SLC22A9: variants seen among roughly 807,000 people sequenced by gnomAD.
The protein encoded by SLC22A9 is organic anion transporter 7.
SLC22A9 carries 64 observed loss-of-function variants against 50.1 expected under a neutral mutation model. The observed-to-expected ratio is 1.28, with a 90% confidence interval of 1.04 to 1.57. SLC22A9 has a LOEUF of 1.57. Among genes scored for constraint, SLC22A9 ranks in the 40% most tolerant of loss-of-function variants. The probability of loss-of-function intolerance (pLI) is 0.00; values close to 1 mark genes in which losing one functional copy is unlikely to be tolerated. For missense variants in SLC22A9, 757 were observed against 676.1 expected, an observed-to-expected ratio of 1.12 and a Z score of -1.33; for synonymous variants, 261 against 242.5, an observed-to-expected ratio of 1.08 and a Z score of -0.71.
chr11:63,408,571 T>A, intron 8 of SLC22A9, 105 bp from the exon 9 acceptor site: 1 of 1,009,354 alleles, frequency 9.9e-7, no homozygotes, highest in Non-Finnish European at 1.5e-6. Context: ...TTTCATCACC[T>A]CTGTGTGTCT....
chr11:63,390,331 C>T (rs2014741632), intron 6 of SLC22A9, among the ~76,000 whole-genome samples: 1 of 152,016 alleles, frequency 6.6e-6, no homozygotes, highest in African/African-American at 2.4e-5. Context: ...TGTCTTTTAT[C>T]CATCTTGAGT....
chr11:63,369,950 A>G lies in SLC22A9; in HGVS notation c.-107A>G. 1 of 1,156,668 alleles carries G rather than the reference A, an allele frequency of 8.6e-7. No individual in the cohort carries two copies. 71.7% of individuals were successfully genotyped at this position (1,156,668 alleles called of 1,614,324 possible). On this transcript the variant is annotated 5_prime_UTR_variant, in exon 1 of 10. Transcript: ENST00000279178. Reference sequence around the variant, plus strand: ...TCGTCAAGAAGAGAGTGGGGTCAGGATCAAAACACATTTAGTGTGACTTAG... The same window carrying G: ...TCGTCAAGAAGAGAGTGGGGTCAGGGTCAAAACACATTTAGTGTGACTTAG...
chr11:63,383,622 T>C (rs1434743918), intron 6 of SLC22A9, among the ~76,000 whole-genome samples: 1 of 151,706 alleles, frequency 6.6e-6, no homozygotes, highest in Non-Finnish European at 1.5e-5. Flanking sequence ...TCAAAGAACA[T>C]GAAGAAACAG....
Position 63,382,198 on chromosome 11 carries a change from C to G in SLC22A9, c.994C>G (p.Gln332Glu). The G allele has an allele frequency of 8.0e-7, 1 of 1,243,424 alleles. No homozygotes were observed. Among genetic ancestry groups the G allele is most frequent in the Non-Finnish European group, 1.1e-6 (1 of 907,128 alleles). The allele number at this position is 1,243,424 out of a possible 1,614,324, so 77.0% of individuals were successfully genotyped here. The stretch of plus-strand genomic sequence containing the variant: ...CATGAAAAAAGAACTGGAGGCAGCA[C>G]AAAAAAAAAAACCTTCTCTGTGTGA... ...STMKKELEAA[Q>E]KKKPSLCEML... The change falls in exon 6 of 10, where the codon CAA (glutamine) becomes GAA (glutamate). Residue 332 changes from glutamine to glutamate, a missense_variant. By Grantham distance (29) the Gln-to-Glu change is conservative (BLOSUM62 2). Transcript: ENST00000279178.
At chr11:63,379,897 A>G (rs2014530278) in intron 5 of SLC22A9, among the ~76,000 whole-genome samples, 1 of 152,020 alleles carries the variant, frequency 6.6e-6, no homozygotes, top group African/African-American at 2.4e-5. Context: ...ATACCTGACT[A>G]ATTTTTGTAT....
chr11:63,397,054 T>C (rs1265418528), intron 6 of SLC22A9, among the ~76,000 whole-genome samples: 1 of 152,218 alleles, frequency 6.6e-6, no homozygotes, highest in Non-Finnish European at 1.5e-5. Flanking sequence ...TGATTTGATC[T>C]GTTTTTCATC....
intron 6 of SLC22A9, among the ~76,000 whole-genome samples, chr11:63,399,580 A>C (rs2014920135): frequency 6.6e-6 from 1 of 152,174 alleles, no homozygotes; most frequent in African/African-American, 2.4e-5. Flanking sequence ...AAAGAGATAG[A>C]CCCCAGTACA....
chr11:63,371,244 T>C lies in SLC22A9; in HGVS notation c.506+6T>C, dbSNP rs1591010940. The C allele has an allele frequency of 6.2e-7, 1 of 1,601,478 alleles. No homozygotes were observed. Among genetic ancestry groups the C allele is most frequent in the Non-Finnish European group, 8.6e-7 (1 of 1,168,964 alleles). On this transcript the variant is annotated splice_donor_region_variant and intron_variant, in intron 2 of 9. Transcript: ENST00000279178. ...GGCGGTCATTTATCAGACAGGTGAG[T>C]GTGTATGGAACACAGCTCTCTTTAA...
intron 6 of SLC22A9, among the ~76,000 whole-genome samples, chr11:63,385,544 T>C (rs182105796): frequency 2.4e-4 from 37 of 152,260 alleles, no homozygotes; most frequent in Middle Eastern, 3.4e-3. Flanking sequence ...TATTTTATTC[T>C]CTTTGCAGCA....
intron 6 of SLC22A9, among the ~76,000 whole-genome samples, chr11:63,401,663 G>A (rs938566149): frequency 7.2e-5 from 11 of 151,938 alleles, no homozygotes; most frequent in South Asian, 2.1e-4. Flanking sequence ...CCCATAAAGC[G>A]AAAGAAATCC....
rs112878264 is a variant in SLC22A9, at chr11:63,394,878, C to T, written c.1074-11619C>T. 2.1e-3 allele frequency among the ~76,000 whole-genome samples: 315 copies of T among 152,112 alleles called. 3 individuals carry two copies. The highest frequency in any genetic ancestry group is 6.5e-3 in the African/African-American group (269 of 41,526). ...AACACCAAATATTCTTAGGTTTGGT[C>T]GTTTAGCATAATCCCAGACTTTTTG... On this transcript the variant is annotated intron_variant, in intron 6 of 9. Transcript: ENST00000279178.
intron 6 of SLC22A9, among the ~76,000 whole-genome samples, chr11:63,386,884 G>A (rs920305723): frequency 1.4e-4 from 21 of 150,362 alleles, no homozygotes; most frequent in Admixed American, 6.6e-4. Flanking sequence ...TTTTTGTATC[G>A]CTGTCTCCTT....
chr11:63,408,353 A>G lies in SLC22A9; in HGVS notation c.1397+133A>G. 5 of 757,924 alleles carry G rather than the reference A, an allele frequency of 6.6e-6. No homozygotes were observed. In the South Asian group the frequency reaches 7.0e-5, roughly 11 times the overall value. 46.9% of individuals were successfully genotyped at this position (757,924 alleles called of 1,614,324 possible). ...ATAACAGTCATAAACACAAATAATT[A>G]TAGACCAACTTTATCTCAAGCTGAC... is the stretch of plus-strand genomic sequence containing the variant. On this transcript the variant is annotated intron_variant, in intron 8 of 9. Coordinates refer to ENST00000279178, the MANE Select transcript of SLC22A9 (RefSeq NM_080866.3).
At chr11:63,409,196 C>T (rs537690851) in intron 9 of SLC22A9, among the ~76,000 whole-genome samples, 3 of 152,220 alleles carry the variant, frequency 2.0e-5, no homozygotes, top group East Asian at 3.9e-4. Context: ...AGGTATTTTA[C>T]AAATATGCAG....
At chr11:63,403,408 C>T (rs534281789) in intron 6 of SLC22A9, among the ~76,000 whole-genome samples, 150 of 152,082 alleles carry the variant, frequency 9.9e-4, no homozygotes, top group Non-Finnish European at 1.6e-3. Flanking sequence ...AAATACTTTC[C>T]CACACAAACA....
intron 6 of SLC22A9, among the ~76,000 whole-genome samples, chr11:63,397,124 G>C (rs1466276003): frequency 1.3e-5 from 2 of 152,218 alleles, no homozygotes; most frequent in African/African-American, 4.8e-5. Context: ...AGTTCTTGCA[G>C]ACCCACAGAT....
chr11:63,399,535 G>T (rs2014919337), intron 6 of SLC22A9, among the ~76,000 whole-genome samples: 1 of 152,074 alleles, frequency 6.6e-6, no homozygotes, highest in Non-Finnish European at 1.5e-5. Flanking sequence ...CAACATGGGA[G>T]CACCTAGATA....
chr11:63,385,718 A>G (rs1351972917), intron 6 of SLC22A9, among the ~76,000 whole-genome samples: 2 of 152,144 alleles, frequency 1.3e-5, no homozygotes, highest in African/African-American at 4.8e-5. Context: ...CTTTCTAGAT[A>G]TAAGATCATG....
intron 1 of SLC22A9, 44 bp from the exon 2 acceptor site, chr11:63,371,091 T>C (rs1565180200): frequency 7.1e-7 from 1 of 1,418,416 alleles, no homozygotes; most frequent in South Asian, 1.2e-5. Context: ...CAAGTTACAC[T>C]GAGGGGTAAT....
Sources: allele counts gnomAD v4.1 joint callset (sites outside exome capture counted in the v4.1 genomes callset), GRCh38; gene constraint gnomAD v4.1.1; transcripts MANE v1.5; gene names NCBI Gene and HGNC (gene_info 2026-07-23, HGNC 2026-07-21).